NEBL: variants seen among roughly 807,000 people sequenced by gnomAD.
NEBL encodes LIM and SH3 protein 2.
Under a neutral mutation model 140.2 loss-of-function variants are expected in NEBL, and 122 were observed. The ratio of observed to expected loss-of-function variants is 0.87; its 90% CI spans 0.75 to 1.01. The LOEUF (loss-of-function observed/expected upper bound fraction) is 1.01, where lower values mean the gene tolerates loss of function less well. Among genes scored for constraint, NEBL ranks in the 50% least tolerant of loss-of-function variants. NEBL has a pLI of 0.00. For missense variants in NEBL, 1,365 were observed against 1,231.3 expected, an observed-to-expected ratio of 1.11 and a Z score of -1.62; for synonymous variants, 436 against 398.9, an observed-to-expected ratio of 1.09 and a Z score of -1.11.
At chr10:20,983,428 T>C (rs1402723366) in intron 3 of NEBL, among the ~76,000 whole-genome samples, 4 of 152,230 alleles carry the variant, frequency 2.6e-5, no homozygotes, top group African/African-American at 4.8e-5. Flanking sequence ...TCAAAAATCA[T>C]CAGTGAAATA....
intron 3 of NEBL, among the ~76,000 whole-genome samples, chr10:20,972,988 G>A (rs536112371): frequency 2.6e-5 from 4 of 152,058 alleles, no homozygotes; most frequent in African/African-American, 9.6e-5. Flanking sequence ...TCTTCCATAA[G>A]AAAGAAACTA....
chr10:20,871,716 T>C (rs922049420), intron 5 of NEBL, among the ~76,000 whole-genome samples: 1 of 152,256 alleles, frequency 6.6e-6, no homozygotes, highest in African/African-American at 2.4e-5. Flanking sequence ...AGAGGTTTTA[T>C]GTTAACAAGT....
At chr10:20,849,460 G>C (rs1011734207) in intron 11 of NEBL, among the ~76,000 whole-genome samples, 1 of 152,130 alleles carries the variant, frequency 6.6e-6, no homozygotes, top group Non-Finnish European at 1.5e-5. Context: ...ACTCTAAGAG[G>C]TGATCAGGCC....
intron 3 of NEBL, among the ~76,000 whole-genome samples, chr10:21,227,683 CTTCTTCTTCTTCTTCTTCTTCTTCTTCT>C (rs1235825443): frequency 1.4e-3 from 120 of 86,444 alleles, no homozygotes; most frequent in Non-Finnish European, 1.5e-3. Flanking sequence ...TCTTCTTCTT[CTTCTTCTTCTTCTTCTTCTTCTTCTTCT>C]TTCTTCTTCT....
chr10:21,092,013 C>T (rs1042511381), intron 2 of NEBL, among the ~76,000 whole-genome samples: 2 of 152,198 alleles, frequency 1.3e-5, no homozygotes, highest in African/African-American at 2.4e-5. Flanking sequence ...TATAACATAT[C>T]TTTTTCTTCT....
intron 2 of NEBL, among the ~76,000 whole-genome samples, chr10:21,171,199 G>A (rs545300019): frequency 6.6e-6 from 1 of 152,150 alleles, no homozygotes; most frequent in East Asian, 1.9e-4. Context: ...ACTGAGCATG[G>A]TGGCGCATGC....
chr10:20,818,064 G>A (rs551485610), intron 20 of NEBL, among the ~76,000 whole-genome samples: 2 of 152,244 alleles, frequency 1.3e-5, no homozygotes, highest in Admixed American at 6.5e-5. Context: ...GCTTTTTACT[G>A]TCTTCTGACC....
chr10:21,131,381 C>T (rs1296966790), intron 2 of NEBL, among the ~76,000 whole-genome samples: 1 of 152,182 alleles, frequency 6.6e-6, no homozygotes, highest in East Asian at 1.9e-4. Context: ...TACTTCCTAA[C>T]TCATTCTTAC....
At chr10:20,957,075 G>C (rs1449348938) in intron 4 of NEBL, among the ~76,000 whole-genome samples, 1 of 152,142 alleles carries the variant, frequency 6.6e-6, no homozygotes, top group Non-Finnish European at 1.5e-5. Context: ...CAAATCCCTA[G>C]ATAATTGTCC....
intron 4 of NEBL, among the ~76,000 whole-genome samples, chr10:20,931,668 AT>A (rs1412192357): frequency 6.6e-6 from 1 of 152,180 alleles, no homozygotes; most frequent in Non-Finnish European, 1.5e-5. Flanking sequence ...TCTCCGGCCC[AT>A]GCAGGGCGCA....
At chr10:21,212,186 A>G (rs536325928) in intron 3 of NEBL, among the ~76,000 whole-genome samples, 1 of 151,498 alleles carries the variant, frequency 6.6e-6, no homozygotes, top group Non-Finnish European at 1.5e-5. Context: ...AATACTGTGT[A>G]CAATATATGT....
intron 7 of NEBL, chr10:20,868,454 G>T: frequency 1.8e-6 from 1 of 544,150 alleles, no homozygotes; most frequent in Non-Finnish European, 3.3e-6. Flanking sequence ...CTGGAGAAAA[G>T]AAAACTTTGT....
At chr10:21,039,074 T>C (rs907840642) in intron 2 of NEBL, among the ~76,000 whole-genome samples, 19 of 147,328 alleles carry the variant, frequency 1.3e-4, no homozygotes, top group African/African-American at 4.8e-4. Context: ...TTTTTTTTTT[T>C]TTTTTTTTTT....
At chr10:21,034,494 A>G (rs604251) in intron 2 of NEBL, among the ~76,000 whole-genome samples, 92,444 of 152,042 alleles carry the variant, frequency 0.61, 28,152 homozygotes, top group East Asian at 0.73. Context: ...CAGACATCCT[A>G]GAGCACAGGA....
chr10:21,034,001 A>G (rs1342672466), intron 2 of NEBL, among the ~76,000 whole-genome samples: 1 of 151,596 alleles, frequency 6.6e-6, no homozygotes, highest in Non-Finnish European at 1.5e-5. Context: ...ACTCATCTCT[A>G]CAAAAAAATA....
chr10:21,186,139 AC>A (rs1564539161), intron 3 of NEBL, among the ~76,000 whole-genome samples: 1 of 152,172 alleles, frequency 6.6e-6, no homozygotes, highest in African/African-American at 2.4e-5. Context: ...ATACTAAGGC[AC>A]ACTTAAAACT....
intron 7 of NEBL, among the ~76,000 whole-genome samples, chr10:20,860,704 A>T (rs1185418003): frequency 6.6e-6 from 1 of 152,086 alleles, no homozygotes; most frequent in Non-Finnish European, 1.5e-5. Context: ...TGATGTTATA[A>T]TTATTACCAT....
At chr10:21,194,337 CT>C (rs1178296024) in intron 3 of NEBL, among the ~76,000 whole-genome samples, 2 of 152,032 alleles carry the variant, frequency 1.3e-5, no homozygotes, top group Non-Finnish European at 2.9e-5. Flanking sequence ...TCTAGCAACT[CT>C]TTTTTTAATA....
At chr10:21,166,444 C>T (rs1979486) in intron 2 of NEBL, among the ~76,000 whole-genome samples, 74,668 of 151,922 alleles carry the variant, frequency 0.49, 22,741 homozygotes, top group African/African-American at 0.86. Flanking sequence ...CGAAAAACTT[C>T]GGTATAAACC....
Sources: allele counts gnomAD v4.1 joint callset (sites outside exome capture counted in the v4.1 genomes callset), GRCh38; gene constraint gnomAD v4.1.1; transcripts MANE v1.5; gene names NCBI Gene and HGNC (gene_info 2026-07-23, HGNC 2026-07-21).